ABCA13: variants seen among roughly 807,000 people sequenced by gnomAD.
ABCA13 encodes ATP binding cassette subfamily A member 13, also known as ATP-binding cassette sub-family A member 13.
In ABCA13, 476 loss-of-function variants were observed where a neutral mutation model predicts 478.7. The ratio of observed to expected loss-of-function variants is 0.99; its 90% CI spans 0.92 to 1.07. The LOEUF (loss-of-function observed/expected upper bound fraction) is 1.07, where lower values mean the gene tolerates loss of function less well. ABCA13 is among the 50% of genes least tolerant of loss of function. ABCA13 has a pLI of 0.00. For synonymous variants in ABCA13, 2,252 were observed against 2,158.9 expected, an observed-to-expected ratio of 1.04 and a Z score of -1.20; for missense variants, 6,060 against 5,910.6, an observed-to-expected ratio of 1.03 and a Z score of -0.83.
intron 3 of ABCA13, among the ~76,000 whole-genome samples, chr7:48,211,801 G>T (rs1206302888): frequency 6.6e-6 from 1 of 151,986 alleles, no homozygotes; most frequent in Non-Finnish European, 1.5e-5. Flanking sequence ...AAATCTGCCT[G>T]GTACTTTATT....
chr7:48,191,212 T>A (rs1797059534), intron 1 of ABCA13, among the ~76,000 whole-genome samples: 1 of 152,224 alleles, frequency 6.6e-6, no homozygotes, highest in Admixed American at 6.5e-5. Context: ...AGTTATCTCC[T>A]GAGCGTCCTT....
chr7:48,329,615 G>GTCCA (rs1260282521), intron 27 of ABCA13, among the ~76,000 whole-genome samples: 3 of 145,748 alleles, frequency 2.1e-5, no homozygotes, highest in Non-Finnish European at 3.0e-5. Context: ...CCATCCATCT[G>GTCCA]TCCATCCATC....
rs539232959 is a variant in ABCA13 at position 48,382,025 on chromosome 7, T to A, written c.11335+5453T>A. On this transcript the variant is annotated intron_variant, in intron 35 of 61. Coordinates refer to ENST00000435803, the MANE Select transcript of ABCA13 (RefSeq NM_152701.5). Reference sequence around the variant, plus strand: ...GGGGGTTTTAAAAGTCCAGACAGATTATGGCTGAGATGGTTTAATTAGCAA... The same window carrying A: ...GGGGGTTTTAAAAGTCCAGACAGATAATGGCTGAGATGGTTTAATTAGCAA... 2.6e-3 allele frequency among the ~76,000 whole-genome samples: 402 copies of A among 152,340 alleles called. 3 individuals are homozygous for A. The highest frequency in any genetic ancestry group is 4.7e-3 in the Non-Finnish European group (319 of 68,030).
At chr7:48,398,030 G>T (rs927853963) in intron 38 of ABCA13, among the ~76,000 whole-genome samples, 2 of 152,294 alleles carry the variant, frequency 1.3e-5, no homozygotes, top group African/African-American at 4.8e-5. Flanking sequence ...TAATGTTAAT[G>T]ACAGTGGACA....
At chr7:48,338,623 C>T (rs578031929) in intron 29 of ABCA13, among the ~76,000 whole-genome samples, 168 bp downstream of exon 29, 28 of 152,328 alleles carry the variant, frequency 1.8e-4, no homozygotes, top group African/African-American at 5.8e-4. Flanking sequence ...GAACTAAATA[C>T]TCCCCAAAGT....
rs1167441814 is a variant in ABCA13, at chr7:48,613,386, C to G, written c.14745-1899C>G. On this transcript the variant is annotated intron_variant, in intron 58 of 61. Coordinates refer to ENST00000435803, the MANE Select transcript of ABCA13 (RefSeq NM_152701.5). ...TGTACTTTTAGAAGAGACAGGGTTT[C>G]ATCATGTTGGCTAGGCTGGTCTCGA... Among the ~76,000 whole-genome samples, 3 of 152,020 alleles carry G rather than the reference C, an allele frequency of 2.0e-5. No homozygotes were observed. In the East Asian group the frequency reaches 5.8e-4, roughly 29 times the overall value.
chr7:48,271,930 C>G lies in ABCA13; in HGVS notation c.2264C>G (p.Pro755Arg). The G allele has an allele frequency of 6.2e-7, 1 of 1,613,394 alleles. No individual in the cohort carries two copies. Among genetic ancestry groups the G allele is most frequent in the South Asian group, 1.1e-5 (1 of 91,000 alleles). ...LPNLFDSSIV[P>R]SFHSLPSLTE... ...AATCTTTTTGACTCCTCCATTGTTC[C>G]CAGTTTCCACAGCCTCCCATCTCTC... The change falls in exon 17 of 62, where the codon CCC becomes CGC. Residue 755 changes from proline (P) to arginine (R), a missense_variant. Physicochemically the swap from Pro to Arg is moderately radical, Grantham distance 103. This residue lies in a region of ABCA13 where 4,423 missense variants were observed against 4,309.1 expected (regional missense o/e 1.03). Coordinates refer to ENST00000435803, the MANE Select transcript of ABCA13 (RefSeq NM_152701.5).
At chr7:48,526,229 C>T (rs1832885720) in intron 54 of ABCA13, among the ~76,000 whole-genome samples, 1 of 151,768 alleles carries the variant, frequency 6.6e-6, no homozygotes, top group African/African-American at 2.4e-5. Context: ...GGGCCGGAGA[C>T]AGCAGGGCAG....
At chr7:48,592,872 A>C (rs1789896131) in intron 57 of ABCA13, among the ~76,000 whole-genome samples, 1 of 151,884 alleles carries the variant, frequency 6.6e-6, no homozygotes, top group African/African-American at 2.4e-5. Flanking sequence ...ATTTTGTGTG[A>C]CATAAATATA....
intron 1 of ABCA13, among the ~76,000 whole-genome samples, chr7:48,176,249 A>G (rs1794860132): frequency 6.6e-6 from 1 of 152,170 alleles, no homozygotes; most frequent in South Asian, 2.1e-4. Context: ...AAGTGATACC[A>G]GCTTTTTGGG....
In ABCA13 at chr7:48,271,994, T is replaced by G. The variant is rs759913720; in HGVS notation, c.2328T>G (p.Asn776Lys). 2 of 1,613,630 alleles carry G rather than the reference T, an allele frequency of 1.2e-6. No individual in the cohort carries two copies. The highest frequency in any genetic ancestry group is 4.5e-5 in the East Asian group (2 of 44,856). ...DILNISSLWTNHLKSLKRDPS... is the reference protein window; with the variant it reads ...DILNISSLWTKHLKSLKRDPS... ...TGAATATAAGTTCTCTGTGGACAAA[T>G]CATTTAAAAAGTTTAAAGAGAGACC... The change falls in exon 17 of 62, where the codon AAT (asparagine) becomes AAG (lysine). Residue 776 changes from asparagine to lysine, a missense_variant. By Grantham distance (94) the Asn-to-Lys change is moderately conservative (BLOSUM62 0). Transcript: ENST00000435803.
chr7:48,330,357 CCATCCACCCATCCATCCATCCATT>C (rs1011430068), intron 27 of ABCA13, among the ~76,000 whole-genome samples: 1 of 151,714 alleles, frequency 6.6e-6, no homozygotes, highest in Non-Finnish European at 1.5e-5. Flanking sequence ...ATCCATCCAT[CCATCCACCCATCCATCCATCCATT>C]CATCCATCCA....
chr7:48,477,820 A>G (rs1373777683), intron 45 of ABCA13, among the ~76,000 whole-genome samples: 2 of 151,918 alleles, frequency 1.3e-5, no homozygotes, highest in African/African-American at 4.8e-5. Flanking sequence ...CAGTACACCA[A>G]CATGGCACAT....
At chr7:48,363,693 T>A (rs1032393937) in intron 31 of ABCA13, among the ~76,000 whole-genome samples, 6 of 152,162 alleles carry the variant, frequency 3.9e-5, no homozygotes, top group Non-Finnish European at 7.4e-5. Context: ...TTGTGCAGTA[T>A]CAATTTGGCC....
At chr7:48,330,886 G>C (rs1408251397) in intron 27 of ABCA13, among the ~76,000 whole-genome samples, 1 of 152,162 alleles carries the variant, frequency 6.6e-6, no homozygotes, top group Non-Finnish European at 1.5e-5. Flanking sequence ...GCATTGAGGG[G>C]AATCGGGGGA....
chr7:48,410,979 C>CTTTCTTTCTT (rs1342793815), intron 40 of ABCA13, among the ~76,000 whole-genome samples: 1 of 34,416 alleles, frequency 2.9e-5, no homozygotes, highest in South Asian at 1.0e-3. Flanking sequence ...ATTCTTTTCT[C>CTTTCTTTCTT]TTTCTTTCTT....
chr7:48,517,401 A>G (rs1832209794), intron 52 of ABCA13, among the ~76,000 whole-genome samples: 1 of 152,162 alleles, frequency 6.6e-6, no homozygotes, highest in Admixed American at 6.6e-5. Flanking sequence ...GCTGTTTTCC[A>G]AGCATGGCAG....
intron 28 of ABCA13, among the ~76,000 whole-genome samples, chr7:48,336,194 T>C (rs1806241215): frequency 6.6e-6 from 1 of 152,188 alleles, no homozygotes; most frequent in South Asian, 2.1e-4. Flanking sequence ...TGAAGTTCTC[T>C]GTACCTTGAG....
chr7:48,196,714 C>G (rs1358850139), intron 2 of ABCA13, among the ~76,000 whole-genome samples: 2 of 152,174 alleles, frequency 1.3e-5, no homozygotes, highest in Non-Finnish European at 2.9e-5. Flanking sequence ...CTCTGACCCA[C>G]TGAGCACTGT....
Sources: allele counts gnomAD v4.1 joint callset (sites outside exome capture counted in the v4.1 genomes callset), GRCh38; gene constraint gnomAD v4.1.1; regional missense constraint gnomAD v4.1.1; transcripts MANE v1.5; gene names NCBI Gene and HGNC (gene_info 2026-07-23, HGNC 2026-07-21).